Variants in PELI1 observed in about 807,000 individuals in gnomAD.
PELI1 encodes the protein E3 ubiquitin-protein ligase pellino homolog 1.
Under a neutral mutation model 41.3 loss-of-function variants are expected in PELI1, and 15 were observed. The observed-to-expected ratio is 0.36, with a 90% CI of 0.24 to 0.56. The LOEUF (loss-of-function observed/expected upper bound fraction) is 0.56, where lower values mean the gene tolerates loss of function less well. Among genes scored for constraint, PELI1 ranks in the 20% least tolerant of loss-of-function variants. PELI1 has a pLI of 0.82. For missense variants in PELI1, 403 were observed against 525.5 expected (o/e 0.77, Z 2.28); for synonymous variants, 178 against 180.1 (o/e 0.99, Z 0.09).
intron 1 of PELI1, among the ~76,000 whole-genome samples, chr2:64,135,239 T>C (rs150719293): frequency 2.1e-3 from 315 of 152,256 alleles, no homozygotes; most frequent in African/African-American, 7.2e-3. Context: ...TCTGGATGGA[T>C]GCAGGATTAA....
chr2:64,095,264 TCCA>T lies in PELI1; in HGVS notation c.692_694del (p.Val231del). 1 of 1,610,440 alleles carries T rather than the reference TCCA, an allele frequency of 6.2e-7. No individual in the cohort carries two copies. Among genetic ancestry groups the T allele is most frequent in the Non-Finnish European group, 8.5e-7 (1 of 1,176,808 alleles). ...ATCTTGTAACTGATTGGTTTCAATTTCCACCTAGAGGAGACAAGAGTTGAAAAA... is the reference window on the plus strand; with the variant it reads ...ATCTTGTAACTGATTGGTTTCAATTTCCTAGAGGAGACAAGAGTTGAAAAA... On this transcript the variant is annotated inframe_deletion and splice_region_variant, in exon 7 of 7. Transcript: ENST00000358912.
chr2:64,124,289 A>G (rs1681316744), intron 1 of PELI1, among the ~76,000 whole-genome samples: 1 of 152,218 alleles, frequency 6.6e-6, no homozygotes, highest in Non-Finnish European at 1.5e-5. Flanking sequence ...AAGTGTTTAC[A>G]TAAATGGTAT....
intron 3 of PELI1, among the ~76,000 whole-genome samples, chr2:64,102,363 C>CATATAT (rs141461980): frequency 1.3e-5 from 2 of 151,830 alleles, no homozygotes; most frequent in African/African-American, 4.8e-5. Flanking sequence ...CACACATATA[C>CATATAT]ATATATATAT....
At chr2:64,134,417 G>C (rs957803186) in intron 1 of PELI1, among the ~76,000 whole-genome samples, 1 of 152,052 alleles carries the variant, frequency 6.6e-6, no homozygotes, top group Non-Finnish European at 1.5e-5. Flanking sequence ...GAACAGACAG[G>C]GCTAGTTCAG....
At chr2:64,139,116 G>T (rs1371691777) in intron 1 of PELI1, among the ~76,000 whole-genome samples, 5 of 152,116 alleles carry the variant, frequency 3.3e-5, no homozygotes, top group Admixed American at 6.5e-5. Flanking sequence ...AATATCCAGA[G>T]TCTAAATTTC....
chr2:64,131,546 C>T (rs1021430730), intron 1 of PELI1, among the ~76,000 whole-genome samples: 1 of 151,968 alleles, frequency 6.6e-6, no homozygotes, highest in Non-Finnish European at 1.5e-5. Flanking sequence ...AGAAGGCCAA[C>T]TGTACTCGAG....
rs182366438 is a variant in PELI1, at chr2:64,126,081, T to C, written c.-69-17702A>G. Among the ~76,000 whole-genome samples the C allele has an allele frequency of 2.7e-3, 406 of 152,318 alleles. 1 individual carries two copies. The highest frequency in any genetic ancestry group is 0.01 in the Middle Eastern group (3 of 294). Reference sequence around the variant, plus strand: ...CTCTCCATAAAATGCTAATTAATGATTTCTTCTATTAATAACCATTGTGAG... The same window carrying C: ...CTCTCCATAAAATGCTAATTAATGACTTCTTCTATTAATAACCATTGTGAG... On this transcript the variant is annotated intron_variant, in intron 1 of 6. Coordinates refer to ENST00000358912, the MANE Select transcript of PELI1 (RefSeq NM_020651.4).
intron 3 of PELI1, 57 bp downstream of exon 3, chr2:64,104,644 T>TAA: frequency 1.3e-6 from 2 of 1,512,604 alleles, no homozygotes; most frequent in Non-Finnish European, 1.8e-6. Flanking sequence ...AAACAACACA[T>TAA]AAAAGTCTTT....
Position 64,104,732 on chromosome 2 carries a change from A to C in PELI1, c.170T>G (p.Val57Gly). Residue 57 changes from valine (V) to glycine (G), a missense_variant, in exon 3 of 7, where the codon GTG becomes GGG. Val to Gly is a moderately radical substitution (Grantham distance 109). Coordinates refer to ENST00000358912, the MANE Select transcript of PELI1 (RefSeq NM_020651.4). ...AGCCTGAGGAGTACAAGCAATATGC[A>C]CAGTGCTGGGCTTCACCCCATTTGC... ...PKANGVKPST[V>G]HIACTPQAAK... 1 of 1,609,032 alleles carries C rather than the reference A, an allele frequency of 6.2e-7. No individual in the cohort carries two copies. The highest frequency in any genetic ancestry group is 8.5e-7 in the Non-Finnish European group (1 of 1,178,700).
intron 1 of PELI1, among the ~76,000 whole-genome samples, chr2:64,125,317 C>T (rs865946742): frequency 6.6e-5 from 10 of 152,134 alleles, no homozygotes; most frequent in Non-Finnish European, 8.8e-5. Context: ...CCTAAGTTAC[C>T]TATTATGATC....
At position 64,138,496 on chromosome 2, in the gene PELI1, G is replaced by A. The variant is rs558406406; in HGVS notation, c.-70+5585C>T. 1.8e-4 allele frequency among the ~76,000 whole-genome samples: 27 copies of A among 152,276 alleles called. No homozygotes were observed. In the South Asian group the frequency reaches 5.6e-3, roughly 32 times the overall value. On this transcript the variant is annotated intron_variant, in intron 1 of 6. Transcript: ENST00000358912. ...TAATCCCAGCACTTTGGGAGGCGGA[G>A]GTAGGTGATCACCTGAGGTCAGGAG...
intron 1 of PELI1, among the ~76,000 whole-genome samples, chr2:64,140,808 C>CAAAAAAAAAAAAAAAAAAAAAA (rs59589601): frequency 9.0e-6 from 1 of 110,696 alleles, no homozygotes; most frequent in Non-Finnish European, 1.7e-5. Context: ...AACAAACAAA[C>CAAAAAAAAAAAAAAAAAAAAAA]AAAAAAAAAC....
chr2:64,097,048 T>C lies in PELI1; in HGVS notation c.304-438A>G, dbSNP rs1330884903. Reference sequence around the variant, plus strand: ...AGGATGACTGCAGAACATTACACTATAAATACCACTTACGTTAAGCTGAAA... The same window carrying C: ...AGGATGACTGCAGAACATTACACTACAAATACCACTTACGTTAAGCTGAAA... On this transcript the variant is annotated intron_variant, in intron 4 of 6. Transcript: ENST00000358912. Among the ~76,000 whole-genome samples, 3 of 152,260 alleles carry C rather than the reference T, an allele frequency of 2.0e-5. No individual in the cohort carries two copies. In the East Asian group the frequency reaches 5.8e-4, roughly 29 times the overall value.
rs1485158605 is a variant in PELI1 at position 64,096,282 on chromosome 2, C to T, written c.533G>A (p.Gly178Glu). The part of the protein sequence containing the change: ...EKAAKWKTSD[G>E]QMDGLTTNGV... ...ATTAGTGGTCAAGCCATCCATCTGT[C>T]CATCTGATGTCTTCCATTTGGCAGC... The change falls in exon 6 of 7, where the codon GGA (glycine) becomes GAA (glutamate). Residue 178 changes from glycine (G) to glutamate (E), a missense_variant. Transcript: ENST00000358912. 1 of 1,614,058 alleles carries T rather than the reference C, an allele frequency of 6.2e-7. No homozygotes were observed. The highest frequency in any genetic ancestry group is 1.7e-5 in the Admixed American group (1 of 60,010).
At chr2:64,099,619 A>T (rs890863413) in intron 4 of PELI1, among the ~76,000 whole-genome samples, 3 of 152,170 alleles carry the variant, frequency 2.0e-5, no homozygotes, top group Non-Finnish European at 2.9e-5. Context: ...AGGTCTTTTC[A>T]CTTTTATTTG....
At chr2:64,122,256 C>G (rs1362021057) in intron 1 of PELI1, among the ~76,000 whole-genome samples, 1 of 149,910 alleles carries the variant, frequency 6.7e-6, no homozygotes, top group African/African-American at 2.5e-5. Context: ...CTTAAACTTC[C>G]GTATTTTCCT....
intron 1 of PELI1, among the ~76,000 whole-genome samples, chr2:64,126,416 CCTCCCAAAGTG>C (rs2103727756): frequency 6.6e-6 from 1 of 152,302 alleles, no homozygotes. Flanking sequence ...CCTGCCTTGG[CCTCCCAAAGTG>C]CTGGGATTAC....
intron 1 of PELI1, among the ~76,000 whole-genome samples, chr2:64,130,217 G>A (rs766117530): frequency 2.1e-4 from 32 of 152,054 alleles, no homozygotes; most frequent in Non-Finnish European, 3.5e-4. Context: ...TGGCTGTATT[G>A]CCCGGGCTAG....
Position 64,093,839 on chromosome 2 carries a change from G to C in PELI1, c.*863C>G, listed in dbSNP as rs899939069. The C allele has an allele frequency of 6.6e-6, 1 of 152,560 alleles. No individual in the cohort carries two copies. The highest frequency in any genetic ancestry group is 2.4e-5 in the African/African-American group (1 of 41,408). 9.5% of individuals were successfully genotyped at this position (152,560 alleles called of 1,614,324 possible). A position where few individuals can be genotyped will look rare whatever the true frequency, so the allele number is the denominator to read the frequency against. ...AGAAACAGTGAACAGATGAACCACAGTTTATATCCAAAAAATAAACTTGCC... is the reference window on the plus strand; with the variant it reads ...AGAAACAGTGAACAGATGAACCACACTTTATATCCAAAAAATAAACTTGCC... On this transcript the variant is annotated 3_prime_UTR_variant, in exon 7 of 7. Coordinates refer to ENST00000358912, the MANE Select transcript of PELI1 (RefSeq NM_020651.4).
Sources: gnomAD v4.1 joint callset for allele counts (sites outside exome capture counted in the v4.1 genomes callset) on GRCh38, gnomAD v4.1.1 for gene constraint, MANE v1.5 for transcripts, NCBI Gene and HGNC (gene_info 2026-07-23, HGNC 2026-07-21) for gene names.